DMAC2L: variants seen among roughly 807,000 people sequenced by gnomAD.
DMAC2L encodes the protein distal membrane arm assembly component 2 like, also known as ATP synthase subunit s, mitochondrial.
DMAC2L carries 21 observed loss-of-function variants against 22.5 expected under a neutral mutation model. That is an observed-to-expected ratio of 0.93 (90% confidence interval 0.66 to 1.34). DMAC2L has a LOEUF of 1.34. Among genes scored for constraint, DMAC2L ranks in the 40% most tolerant of loss-of-function variants. DMAC2L has a pLI of 0.00. For missense variants in DMAC2L, 239 were observed against 246.5 expected, an observed-to-expected ratio of 0.97 and a Z score of 0.20; for synonymous variants, 86 against 89.5, an observed-to-expected ratio of 0.96 and a Z score of 0.22.
chr14:50,319,147 T>C (rs1305068772), intron 2 of DMAC2L: 5 of 1,521,062 alleles, frequency 3.3e-6, no homozygotes, highest in Non-Finnish European at 4.4e-6. Flanking sequence ...AGCCCATATT[T>C]GTAAATAAGA....
intron 2 of DMAC2L, among the ~76,000 whole-genome samples, chr14:50,315,667 A>C (rs1400872724): frequency 6.4e-5 from 2 of 31,374 alleles, no homozygotes; most frequent in Admixed American, 3.0e-4. Flanking sequence ...TTTCACAAAA[A>C]AAAAAAAAAA....
chr14:50,319,232 A>T, intron 2 of DMAC2L: 1 of 1,536,156 alleles, frequency 6.5e-7, no homozygotes, highest in Non-Finnish European at 8.7e-7. Context: ...AGGGTTGAGA[A>T]CATGATAAGA....
chr14:50,312,069 C>A, upstream of DMAC2L: 1 of 1,600,144 alleles, frequency 6.2e-7, no homozygotes, highest in Non-Finnish European at 8.5e-7. Flanking sequence ...GACGCGAACC[C>A]GCACGCCCCA....
intron 3 of DMAC2L, among the ~76,000 whole-genome samples, 176 bp from the exon 4 acceptor site, chr14:50,322,335 T>G (rs1054879691): frequency 3.0e-5 from 4 of 135,398 alleles, no homozygotes; most frequent in African/African-American, 1.1e-4. Context: ...GCAGATAGAC[T>G]GCAGGTTTTT....
intron 2 of DMAC2L, among the ~76,000 whole-genome samples, chr14:50,318,681 G>C (rs2032016163): frequency 6.6e-6 from 1 of 152,002 alleles, no homozygotes; most frequent in African/African-American, 2.4e-5. Context: ...GTTCTAACTG[G>C]AATTTTTTTT....
chr14:50,322,393 C>G, intron 3 of DMAC2L, 118 bp from the exon 4 acceptor site: 1 of 1,074,784 alleles, frequency 9.3e-7, no homozygotes, highest in Admixed American at 3.3e-5. Context: ...AATTTATCTT[C>G]CTCGTCAGTC....
intron 1 of DMAC2L, chr14:50,313,069 A>G (rs73279414): frequency 9.3e-6 from 15 of 1,605,196 alleles, no homozygotes; most frequent in Non-Finnish European, 1.3e-5. Flanking sequence ...AGGTCACTTC[A>G]CCTGATTCCC....
At chr14:50,312,170 C>T (rs780582737), upstream of DMAC2L, 7 of 1,608,280 alleles carry the variant, frequency 4.4e-6, no homozygotes, top group Middle Eastern at 1.7e-4. Context: ...ACGCTCCCCT[C>T]CCTCAGCGCT....
rs368725017 is a variant in DMAC2L, at chr14:50,325,646, G to A, written c.526G>A (p.Val176Ile). 12 of 1,612,564 alleles carry A rather than the reference G, an allele frequency of 7.4e-6. No individual in the cohort carries two copies. In the African/African-American group the frequency reaches 8.0e-5, roughly 11 times the overall value. The change falls in exon 6 of 6, where the codon GTA (valine) becomes ATA (isoleucine). Residue 176 changes from valine to isoleucine, a missense_variant. Coordinates refer to ENST00000557421, the MANE Select transcript of DMAC2L (RefSeq NM_001382507.1). ...TTTGTTGTTAAGTGATCTTCCTGGA[G>A]TAAGAGAAAAAGAAAATCTTGTCCA... The part of the protein sequence containing the change: ...KYLLLSDLPG[V>I]REKENLVQAF...
intron 4 of DMAC2L, chr14:50,323,011 T>C (rs1024634488): frequency 6.1e-6 from 8 of 1,312,326 alleles, no homozygotes; most frequent in Middle Eastern, 2.9e-4. Context: ...ACTTCTGTCA[T>C]TGAGAAGCCC....
At chr14:50,319,234 A>G in intron 2 of DMAC2L, 1 of 1,536,022 alleles carries the variant, frequency 6.5e-7, no homozygotes, top group Non-Finnish European at 8.7e-7. Flanking sequence ...GGTTGAGAAC[A>G]TGATAAGAGG....
chr14:50,313,146 C>A, intron 1 of DMAC2L: 2 of 1,168,132 alleles, frequency 1.7e-6, no homozygotes, highest in South Asian at 1.2e-5. Flanking sequence ...TTAAAATTGT[C>A]ACTGTGCCGG....
chr14:50,312,033 C>A, upstream of DMAC2L: 1 of 1,579,030 alleles, frequency 6.3e-7, no homozygotes, highest in East Asian at 2.3e-5. Context: ...CTGCGGCTAC[C>A]TCCACACAGC....
intron 1 of DMAC2L, chr14:50,312,989 T>C (rs1315063686): frequency 6.2e-7 from 1 of 1,614,152 alleles, no homozygotes; most frequent in Admixed American, 1.7e-5. Flanking sequence ...CTGTGTCCTT[T>C]TCTTGAGTAC....
intron 5 of DMAC2L, 104 bp from the exon 6 acceptor site, chr14:50,325,505 A>G: frequency 1.5e-6 from 2 of 1,351,924 alleles, no homozygotes; most frequent in South Asian, 2.7e-5. Flanking sequence ...GCATAGGGTG[A>G]TATAGATTCA....
At chr14:50,312,838 ACTT>A (rs2031372336) in intron 1 of DMAC2L, 1 of 642,400 alleles carries the variant, frequency 1.6e-6, no homozygotes, top group South Asian at 1.9e-5. Context: ...AGTCTTCTGG[ACTT>A]CTTTTATGGG....
At chr14:50,325,217 G>A (rs2032630032) in intron 5 of DMAC2L, among the ~76,000 whole-genome samples, 1 of 152,072 alleles carries the variant, frequency 6.6e-6, no homozygotes, top group Non-Finnish European at 1.5e-5. Context: ...TAAACATTAG[G>A]ACCAAAAGTA....
chr14:50,320,897 C>T (rs2032207905), intron 2 of DMAC2L, among the ~76,000 whole-genome samples: 1 of 152,186 alleles, frequency 6.6e-6, no homozygotes, highest in South Asian at 2.1e-4. Context: ...GGAAATTAAG[C>T]AAATCATCTC....
upstream of DMAC2L, chr14:50,311,580 G>A: frequency 4.7e-6 from 2 of 427,342 alleles, no homozygotes; most frequent in Non-Finnish European, 9.4e-6. Context: ...ACTGATTTAA[G>A]ACTGTATTCA....
Sources: allele counts gnomAD v4.1 joint callset (sites outside exome capture counted in the v4.1 genomes callset), GRCh38; gene constraint gnomAD v4.1.1; transcripts MANE v1.5; gene names NCBI Gene and HGNC (gene_info 2026-07-23, HGNC 2026-07-21).